KCNIP4: variants seen among roughly 807,000 people sequenced by gnomAD.
The protein encoded by KCNIP4 is potassium voltage-gated channel interacting protein 4.
In KCNIP4, 12 loss-of-function variants were observed where a neutral mutation model predicts 34.0. That is an observed-to-expected ratio of 0.35 (90% CI 0.23 to 0.57). The LOEUF is 0.57. KCNIP4 is among the 20% of genes least tolerant of loss of function. The probability of loss-of-function intolerance (pLI) is 0.83; values close to 1 mark genes in which losing one functional copy is unlikely to be tolerated. For synonymous variants in KCNIP4, 124 were observed against 102.2 expected, an observed-to-expected ratio of 1.21 and a Z score of -1.29; for missense variants, 238 against 311.7, an observed-to-expected ratio of 0.76 and a Z score of 1.78.
intron 1 of KCNIP4, among the ~76,000 whole-genome samples, chr4:21,574,101 T>C (rs1163447545): frequency 6.6e-6 from 1 of 152,136 alleles, no homozygotes; most frequent in Non-Finnish European, 1.5e-5. Context: ...TTCTAACGAC[T>C]GTAACAGAGT....
chr4:21,762,105 G>C (rs989305049), intron 1 of KCNIP4, among the ~76,000 whole-genome samples: 5 of 151,800 alleles, frequency 3.3e-5, no homozygotes, highest in African/African-American at 1.2e-4. Context: ...TATTTTTCTA[G>C]TAGCCACATT....
At chr4:21,525,066 A>G (rs1238625975) in intron 1 of KCNIP4, among the ~76,000 whole-genome samples, 1 of 152,138 alleles carries the variant, frequency 6.6e-6, no homozygotes. Flanking sequence ...TCCATGCTTT[A>G]TTTGACAAAT....
At chr4:21,104,703 T>G (rs748488114) in intron 1 of KCNIP4, among the ~76,000 whole-genome samples, 15 of 150,720 alleles carry the variant, frequency 1.0e-4, no homozygotes, top group Non-Finnish European at 1.9e-4. Context: ...GCCTATGTTT[T>G]CTTCTAGGGT....
In KCNIP4 at chr4:20,990,076, A is replaced by G. The variant is rs1302152915; in HGVS notation, c.62-107367T>C. ...TAGTTGGTGAAAGATGCCACTTAACATCAGGACTTGATGGGGCAAGTAACA... is the reference window on the plus strand; with the variant it reads ...TAGTTGGTGAAAGATGCCACTTAACGTCAGGACTTGATGGGGCAAGTAACA... On this transcript the variant is annotated intron_variant, in intron 1 of 8. Coordinates refer to ENST00000382152, the MANE Select transcript of KCNIP4 (RefSeq NM_025221.6). 3.3e-5 allele frequency among the ~76,000 whole-genome samples: 5 copies of G among 152,340 alleles called. No individual in the cohort carries two copies. The East Asian group carries it at 5.8e-4, about 18-fold the overall frequency.
intron 1 of KCNIP4, among the ~76,000 whole-genome samples, chr4:21,512,489 A>G (rs1012646316): frequency 1.3e-5 from 2 of 152,148 alleles, no homozygotes; most frequent in African/African-American, 2.4e-5. Context: ...TTGGTAAAAG[A>G]TGACAAAAAA....
chr4:21,872,994 C>T lies in KCNIP4; in HGVS notation c.61+75577G>A, dbSNP rs551777191. On this transcript the variant is annotated intron_variant, in intron 1 of 8. Transcript: ENST00000382152. The stretch of plus-strand genomic sequence containing the variant: ...CATGATTTCCAACATGGTCCATTAG[C>T]TCCAATATTCATGTATAGATTCATT... Among the ~76,000 whole-genome samples the T allele has an allele frequency of 3.3e-5, 5 of 152,198 alleles. No individual in the cohort carries two copies. The South Asian group carries it at 8.3e-4, about 25-fold the overall frequency.
intron 1 of KCNIP4, among the ~76,000 whole-genome samples, chr4:21,417,256 G>A (rs1396744845): frequency 6.6e-6 from 1 of 151,852 alleles, no homozygotes; most frequent in African/African-American, 2.4e-5. Context: ...TCACATGTTG[G>A]AAAATTATGT....
chr4:20,812,003 G>A (rs1442067580), intron 3 of KCNIP4, among the ~76,000 whole-genome samples: 1 of 152,194 alleles, frequency 6.6e-6, no homozygotes, highest in African/African-American at 2.4e-5. Context: ...ATGACAGTTT[G>A]ATGGTGCCAC....
intron 1 of KCNIP4, among the ~76,000 whole-genome samples, chr4:21,502,967 T>C (rs1008785939): frequency 2.6e-5 from 4 of 152,294 alleles, no homozygotes; most frequent in South Asian, 4.1e-4. Context: ...CTATTAAAAA[T>C]GATTTTACCT....
At chr4:20,919,080 T>C (rs1258642034) in intron 1 of KCNIP4, among the ~76,000 whole-genome samples, 1 of 152,216 alleles carries the variant, frequency 6.6e-6, no homozygotes, top group Non-Finnish European at 1.5e-5. Context: ...TTAGGATTAT[T>C]AGCAGGGCTG....
rs1722831922 is a variant in KCNIP4, at chr4:21,829,094, C to G, written c.61+119477G>C. On this transcript the variant is annotated intron_variant, in intron 1 of 8. Coordinates refer to ENST00000382152, the MANE Select transcript of KCNIP4 (RefSeq NM_025221.6). ...AATGCTGGCAACACAGCAGACAGTC[C>G]CCAACTTACGATGGTTTGACTTACC... Among the ~76,000 whole-genome samples, 3 of 151,690 alleles carry G rather than the reference C, an allele frequency of 2.0e-5. No individual in the cohort carries two copies. The South Asian group carries it at 6.3e-4, about 32-fold the overall frequency.
intron 3 of KCNIP4, among the ~76,000 whole-genome samples, chr4:20,843,558 C>T (rs996851606): frequency 8.6e-5 from 13 of 151,962 alleles, no homozygotes; most frequent in East Asian, 1.9e-4. Flanking sequence ...GGTGAAACCC[C>T]GTCTCTACCA....
Position 21,602,717 on chromosome 4 carries a change from C to T in KCNIP4, c.61+345854G>A, listed in dbSNP as rs1048917916. 2.6e-5 allele frequency among the ~76,000 whole-genome samples: 4 copies of T among 152,078 alleles called. No homozygotes were observed. In the South Asian group the frequency reaches 6.2e-4, roughly 24 times the overall value. On this transcript the variant is annotated intron_variant, in intron 1 of 8. Coordinates refer to ENST00000382152, the MANE Select transcript of KCNIP4 (RefSeq NM_025221.6). ...GTAGCTGCAACTGTAGCTGTGGGTACTCATCTTTTTGATTTACGTATGCCT... is the reference window on the plus strand; with the variant it reads ...GTAGCTGCAACTGTAGCTGTGGGTATTCATCTTTTTGATTTACGTATGCCT...
At chr4:21,330,089 G>A (rs997829935) in intron 1 of KCNIP4, among the ~76,000 whole-genome samples, 3 of 152,126 alleles carry the variant, frequency 2.0e-5, no homozygotes, top group South Asian at 2.1e-4. Flanking sequence ...CTAATTATAT[G>A]AGGACTGCTA....
chr4:21,689,503 A>G (rs960634061), intron 1 of KCNIP4, among the ~76,000 whole-genome samples: 1 of 152,174 alleles, frequency 6.6e-6, no homozygotes, highest in African/African-American at 2.4e-5. Flanking sequence ...ACACAGCTCT[A>G]TGCTGTGCTG....
At chr4:20,969,195 A>G (rs1734679241) in intron 1 of KCNIP4, among the ~76,000 whole-genome samples, 1 of 152,212 alleles carries the variant, frequency 6.6e-6, no homozygotes, top group South Asian at 2.1e-4. Flanking sequence ...GGATGTGATA[A>G]TTGAGAAAAC....
At chr4:20,749,766 G>A (rs1560433113) in intron 4 of KCNIP4, 34 bp from the exon 5 acceptor site, 5 of 1,435,082 alleles carry the variant, frequency 3.5e-6, no homozygotes, top group Non-Finnish European at 4.9e-6. Context: ...CATTAAGTCA[G>A]TGTTTCCATA....
At chr4:21,091,800 T>A (rs1387720489) in intron 1 of KCNIP4, among the ~76,000 whole-genome samples, 1 of 152,058 alleles carries the variant, frequency 6.6e-6, no homozygotes, top group African/African-American at 2.4e-5. Context: ...AAGACACCAA[T>A]CCATTCATGA....
At chr4:20,838,676 T>C (rs10938809) in intron 3 of KCNIP4, among the ~76,000 whole-genome samples, 59,353 of 151,906 alleles carry the variant, frequency 0.39, 12,102 homozygotes, top group Non-Finnish European at 0.46. Context: ...TTATAGGATA[T>C]AGATGGTAGC....
Sources: allele counts gnomAD v4.1 joint callset (sites outside exome capture counted in the v4.1 genomes callset), GRCh38; gene constraint gnomAD v4.1.1; transcripts MANE v1.5; gene names NCBI Gene and HGNC (gene_info 2026-07-23, HGNC 2026-07-21).